ANO4: variants seen among roughly 807,000 people sequenced by gnomAD.
ANO4 encodes the protein anoctamin 4, also known as anoctamin-4.
A neutral mutation model predicts 141.9 loss-of-function variants in ANO4; 69 were observed. That is an observed-to-expected ratio of 0.49 (90% CI 0.40 to 0.59). The LOEUF (loss-of-function observed/expected upper bound fraction) is 0.59. Among genes scored for constraint, ANO4 ranks in the 20% least tolerant of loss-of-function variants. The pLI is 0.00. For missense variants in ANO4, 894 were observed against 1,162.2 expected, an observed-to-expected ratio of 0.77 and a Z score of 3.36; for synonymous variants, 350 against 394.3, an observed-to-expected ratio of 0.89 and a Z score of 1.33.
chr12:100,991,425 A>C (rs181098755), intron 8 of ANO4, among the ~76,000 whole-genome samples: 35 of 148,874 alleles, frequency 2.4e-4, no homozygotes, highest in Admixed American at 1.8e-3. Context: ...AGAATGTTTC[A>C]TATTGTGTTT....
chr12:101,080,943 GC>G (rs1264436654), intron 15 of ANO4, among the ~76,000 whole-genome samples: 1 of 124,416 alleles, frequency 8.0e-6, no homozygotes, highest in Admixed American at 8.8e-5. Context: ...TCTTCAAGTG[GC>G]CAATTTTCAA....
chr12:101,042,896 G>A (rs141118697), intron 12 of ANO4, among the ~76,000 whole-genome samples: 1 of 152,114 alleles, frequency 6.6e-6, no homozygotes, highest in Non-Finnish European at 1.5e-5. Flanking sequence ...GTTCAGTGTC[G>A]ATGACCATTA....
chr12:100,997,191 A>T (rs2045420901), intron 8 of ANO4, among the ~76,000 whole-genome samples: 1 of 151,836 alleles, frequency 6.6e-6, no homozygotes, highest in African/African-American at 2.4e-5. Context: ...AAAATTAGCT[A>T]GGCGTGGTTG....
At chr12:101,058,992 G>T (rs1225240060) in intron 14 of ANO4, among the ~76,000 whole-genome samples, 1 of 152,166 alleles carries the variant, frequency 6.6e-6, no homozygotes, top group Non-Finnish European at 1.5e-5. Flanking sequence ...GATATTGGCT[G>T]TGGGTTTGTC....
intron 17 of ANO4, among the ~76,000 whole-genome samples, chr12:101,093,457 T>C (rs1374803573): frequency 6.6e-6 from 1 of 152,190 alleles, no homozygotes; most frequent in Non-Finnish European, 1.5e-5. Context: ...TTCATCTAAA[T>C]GTGTTCTTAA....
chr12:100,926,600 GTT>G (rs1283221383), intron 3 of ANO4, among the ~76,000 whole-genome samples: 1 of 148,142 alleles, frequency 6.8e-6, no homozygotes, highest in Non-Finnish European at 1.5e-5. Flanking sequence ...ACAAGGGTGT[GTT>G]TGTGTGTGTG....
intron 5 of ANO4, among the ~76,000 whole-genome samples, chr12:100,968,584 G>C (rs2043784989): frequency 6.6e-6 from 1 of 152,058 alleles, no homozygotes; most frequent in African/African-American, 2.4e-5. Flanking sequence ...CCATTATCAT[G>C]ATTAAAATTT....
chr12:100,977,826 T>C lies in ANO4; in HGVS notation c.602+2937T>C, dbSNP rs189967471. Among the ~76,000 whole-genome samples the C allele has an allele frequency of 3.1e-3, 467 of 152,320 alleles. 5 individuals are homozygous for C. Among genetic ancestry groups the C allele is most frequent in the African/African-American group, 9.9e-3 (413 of 41,578 alleles). ...AATAAGGTTAAAAGCATTAGCTTAA[T>C]TACAGCCCTTTATAAACTGTCCTCG... is the stretch of plus-strand genomic sequence containing the variant. On this transcript the variant is annotated intron_variant, in intron 7 of 27. Transcript: ENST00000392977.
intron 9 of ANO4, among the ~76,000 whole-genome samples, chr12:101,028,287 G>T (rs986802923): frequency 6.6e-5 from 10 of 152,154 alleles, no homozygotes; most frequent in African/African-American, 1.9e-4. Flanking sequence ...CCAAATGATT[G>T]CAATGACTCT....
At chr12:100,809,874 T>A (rs541378348) in intron 1 of ANO4, among the ~76,000 whole-genome samples, 2 of 152,194 alleles carry the variant, frequency 1.3e-5, no homozygotes, top group East Asian at 3.9e-4. Flanking sequence ...TTAGAGACTG[T>A]TTTCTCTTAA....
chr12:100,743,671 A>G (rs2031972168), intron 3 of ANO4, among the ~76,000 whole-genome samples: 1 of 152,210 alleles, frequency 6.6e-6, no homozygotes, highest in African/African-American at 2.4e-5. Flanking sequence ...CTTGCTTAGT[A>G]AGTGTCATAG....
intron 3 of ANO4, among the ~76,000 whole-genome samples, chr12:100,752,599 CT>C (rs1258297388): frequency 1.3e-5 from 2 of 151,938 alleles, no homozygotes; most frequent in African/African-American, 4.8e-5. Flanking sequence ...GTCACGCAAT[CT>C]TTTTTTAATG....
chr12:101,017,554 A>G (rs2046360794), intron 8 of ANO4, among the ~76,000 whole-genome samples: 1 of 152,190 alleles, frequency 6.6e-6, no homozygotes, highest in South Asian at 2.1e-4. Flanking sequence ...AGCAATCTGG[A>G]CAGAGGAACT....
intron 1 of ANO4, among the ~76,000 whole-genome samples, chr12:100,824,793 C>A (rs1217346701): frequency 6.6e-6 from 1 of 151,976 alleles, no homozygotes; most frequent in Non-Finnish European, 1.5e-5. Context: ...GTCATAGAAA[C>A]CCCCATGCCA....
intron 3 of ANO4, among the ~76,000 whole-genome samples, chr12:100,776,582 A>C (rs894184668): frequency 7.9e-5 from 12 of 152,218 alleles, no homozygotes; most frequent in African/African-American, 2.7e-4. Flanking sequence ...GAGCAAGAGT[A>C]ACTTTTAATG....
At chr12:101,066,294 C>G (rs2048582662) in intron 14 of ANO4, among the ~76,000 whole-genome samples, 1 of 152,094 alleles carries the variant, frequency 6.6e-6, no homozygotes, top group Non-Finnish European at 1.5e-5. Context: ...ATAAATGGCA[C>G]CCAAATTGGA....
intron 3 of ANO4, among the ~76,000 whole-genome samples, chr12:100,932,040 G>T (rs533439987): frequency 6.7e-6 from 1 of 149,696 alleles, no homozygotes; most frequent in African/African-American, 2.5e-5. Flanking sequence ...AATCCCTTGA[G>T]AATTCTGAGT....
intron 2 of ANO4, among the ~76,000 whole-genome samples, chr12:100,735,487 T>C (rs1389214138): frequency 1.3e-5 from 2 of 151,890 alleles, no homozygotes; most frequent in African/African-American, 4.8e-5. Flanking sequence ...ACAAGACAAA[T>C]GTATGGATGA....
chr12:100,774,740 G>A (rs1255733009), intron 3 of ANO4, among the ~76,000 whole-genome samples: 1 of 152,230 alleles, frequency 6.6e-6, no homozygotes, highest in Non-Finnish European at 1.5e-5. Flanking sequence ...CACTGTCCAC[G>A]TGTTTTCTAC....
Sources: gnomAD v4.1 joint callset for allele counts (sites outside exome capture counted in the v4.1 genomes callset) on GRCh38, gnomAD v4.1.1 for gene constraint, MANE v1.5 for transcripts, NCBI Gene and HGNC (gene_info 2026-07-23, HGNC 2026-07-21) for gene names.